The following RFTN1 variants were observed in gnomAD, a reference collection of about 807,000 sequenced individuals.
RFTN1 encodes the protein raftlin.
In RFTN1, 26 loss-of-function variants were observed where a neutral mutation model predicts 46.5. That is an observed-to-expected ratio of 0.56 (90% CI 0.41 to 0.78). RFTN1 has a LOEUF of 0.78. Among genes scored for constraint, RFTN1 ranks in the 30% least tolerant of loss-of-function variants. The pLI is 0.00. For missense variants in RFTN1, 693 were observed against 718.7 expected, an observed-to-expected ratio of 0.96 and a Z score of 0.41; for synonymous variants, 261 against 284.2, an observed-to-expected ratio of 0.92 and a Z score of 0.82.
chr3:16,409,303 G>T, intron 4 of RFTN1, 72 bp downstream of exon 4: 1 of 1,040,538 alleles, frequency 9.6e-7, no homozygotes, highest in Non-Finnish European at 1.5e-6. Context: ...CTGTCCTAAG[G>T]CAGCTACCTG....
chr3:16,446,293 A>T lies in RFTN1; in HGVS notation c.146-12256T>A, dbSNP rs1242279047. On this transcript the variant is annotated intron_variant, in intron 2 of 9. Transcript: ENST00000334133. This position sits in a 1 kb window ranked among gnomAD's most constrained non-coding sequence, Gnocchi z 4.5. Reference sequence around the variant, plus strand: ...GCTCAGAGGAAACCTAGAAACCTTTAAAAAAAAAAAAACTGTGGTAAAATA... The same window carrying T: ...GCTCAGAGGAAACCTAGAAACCTTTTAAAAAAAAAAAACTGTGGTAAAATA... Among the ~76,000 whole-genome samples, 6 of 113,752 alleles carry T rather than the reference A, an allele frequency of 5.3e-5. No individual in the cohort carries two copies. The highest frequency in any genetic ancestry group is 8.7e-5 in the Non-Finnish European group (5 of 57,516). 74.6% of individuals were successfully genotyped at this position (113,752 alleles called of 152,430 possible).
chr3:16,331,336 T>G (rs2070291100), intron 7 of RFTN1, among the ~76,000 whole-genome samples: 2 of 152,254 alleles, frequency 1.3e-5, no homozygotes, highest in East Asian at 1.9e-4. Context: ...AAATAAAGGT[T>G]TAGTGCTCCC....
intron 2 of RFTN1, among the ~76,000 whole-genome samples, chr3:16,454,290 A>T (rs1301307466): frequency 6.6e-6 from 1 of 152,342 alleles, no homozygotes; most frequent in Admixed American, 6.5e-5. Context: ...CAGTCCATCT[A>T]TGGAGTGAGA....
intron 6 of RFTN1, among the ~76,000 whole-genome samples, chr3:16,366,931 G>A (rs1262920599): frequency 6.6e-6 from 1 of 152,320 alleles, no homozygotes; most frequent in South Asian, 2.1e-4. Context: ...CCAGGGAGAG[G>A]AGTCCTGGAC....
chr3:16,395,436 C>T (rs2074444928), intron 4 of RFTN1, among the ~76,000 whole-genome samples: 1 of 150,232 alleles, frequency 6.7e-6, no homozygotes, highest in African/African-American at 2.4e-5. Flanking sequence ...CTCATGAGAC[C>T]AAGGAGCTGA....
Position 16,498,662 on chromosome 3 carries a change from A to G in RFTN1, c.-8-4785T>C, listed in dbSNP as rs570166899. ...GAGACACAGGAAGTAGTTGCTGGCCATCAAAACCTTAGTGTGAATTAGTTC... is the reference window on the plus strand; with the variant it reads ...GAGACACAGGAAGTAGTTGCTGGCCGTCAAAACCTTAGTGTGAATTAGTTC... On this transcript the variant is annotated intron_variant, in intron 1 of 9. Coordinates refer to ENST00000334133, the MANE Select transcript of RFTN1 (RefSeq NM_015150.2). This position sits in a 1 kb window ranked among gnomAD's most constrained non-coding sequence, Gnocchi z 5.2. 6.6e-5 allele frequency among the ~76,000 whole-genome samples: 10 copies of G among 152,316 alleles called. 1 individual carries two copies. The South Asian group carries it at 1.9e-3, about 28-fold the overall frequency.
chr3:16,394,359 C>T (rs950312455), intron 4 of RFTN1, among the ~76,000 whole-genome samples: 1 of 152,118 alleles, frequency 6.6e-6, no homozygotes, highest in Non-Finnish European at 1.5e-5. Flanking sequence ...TTGGGCAACA[C>T]AGTGAGACCC....
rs2073659630 is a variant in RFTN1 at position 16,374,376 on chromosome 3, A to C, written c.826+3342T>G. On this transcript the variant is annotated intron_variant, in intron 5 of 9. Transcript: ENST00000334133. This position sits in a 1 kb window ranked among gnomAD's most constrained non-coding sequence, Gnocchi z 5.4. ...TTAATGGACTGAGTAAAAGGCCAGAAAGATGGCGGCAGGTGGCAGATCTGG... is the reference window on the plus strand; with the variant it reads ...TTAATGGACTGAGTAAAAGGCCAGACAGATGGCGGCAGGTGGCAGATCTGG... 6.6e-6 allele frequency among the ~76,000 whole-genome samples: 1 copy of C among 152,226 alleles called. No individual in the cohort carries two copies. Among genetic ancestry groups the C allele is most frequent in the African/African-American group, 2.4e-5 (1 of 41,454 alleles).
Position 16,384,955 on chromosome 3 carries a change from T to C in RFTN1, c.442-6853A>G, listed in dbSNP as rs565220561. ...ACATAAAATACTGAATAATAGAGTTTTTGACAGTGATTTCTGAGGCATATA... is the reference window on the plus strand; with the variant it reads ...ACATAAAATACTGAATAATAGAGTTCTTGACAGTGATTTCTGAGGCATATA... On this transcript the variant is annotated intron_variant, in intron 4 of 9. Coordinates refer to ENST00000334133, the MANE Select transcript of RFTN1 (RefSeq NM_015150.2). This position sits in a 1 kb window ranked among gnomAD's most constrained non-coding sequence, Gnocchi z 4.7. Among the ~76,000 whole-genome samples, 1 of 152,210 alleles carries C rather than the reference T, an allele frequency of 6.6e-6. No individual in the cohort carries two copies. The highest frequency in any genetic ancestry group is 2.1e-4 in the South Asian group (1 of 4,820).
intron 7 of RFTN1, among the ~76,000 whole-genome samples, chr3:16,328,011 A>T (rs1266402882): frequency 6.6e-6 from 1 of 152,212 alleles, no homozygotes; most frequent in East Asian, 1.9e-4. Flanking sequence ...ACATGTATCC[A>T]GATTCCTTCC....
chr3:16,316,891 T>C lies in RFTN1; in HGVS notation c.1674A>G (p.Gly558=), dbSNP rs375039353. 4.2e-5 allele frequency: 68 copies of C among 1,613,984 alleles called. 1 individual carries two copies. In the Middle Eastern group the frequency reaches 2.0e-3, roughly 47 times the overall value. Reference sequence around the variant, plus strand: ...CAGCATCCCCGTCCCTGGCATCCTCTCCAGGATTGGAGTGCCCAGTGCAAA... The same window carrying C: ...CAGCATCCCCGTCCCTGGCATCCTCCCCAGGATTGGAGTGCCCAGTGCAAA... ...VGICTGHSNP[G]EDARDGDAEE... is the part of the protein sequence containing the mutation. The change falls in exon 10 of 10, where the codon GGA becomes GGG. Residue 558 remains glycine, a synonymous_variant. Transcript: ENST00000334133. This position sits in a 1 kb window ranked among gnomAD's most constrained non-coding sequence, Gnocchi z 4.5.
chr3:16,482,057 T>C (rs1360615442), intron 2 of RFTN1, among the ~76,000 whole-genome samples: 1 of 152,082 alleles, frequency 6.6e-6, no homozygotes, highest in Non-Finnish European at 1.5e-5. Context: ...TGACCAACAC[T>C]CATGTTCTTG....
chr3:16,487,882 C>T (rs929605819), intron 2 of RFTN1, among the ~76,000 whole-genome samples: 4 of 152,216 alleles, frequency 2.6e-5, no homozygotes, highest in African/African-American at 9.7e-5. Context: ...CATCAAAGGG[C>T]AGGTTCATCC....
At chr3:16,494,004 G>A (rs2076585246) in intron 1 of RFTN1, 127 bp from the exon 2 acceptor site, 2 of 1,037,774 alleles carry the variant, frequency 1.9e-6, no homozygotes, top group African/African-American at 1.6e-5. Context: ...TTATGAAACT[G>A]AGAGTATAAT....
intron 1 of RFTN1, among the ~76,000 whole-genome samples, chr3:16,497,780 T>A (rs1161274964): frequency 2.6e-5 from 4 of 152,222 alleles, no homozygotes; most frequent in Non-Finnish European, 5.9e-5. Flanking sequence ...AATATCTCCA[T>A]GGGAAGGACA....
In RFTN1 at chr3:16,374,100, T is replaced by C. The variant is rs1231311949; in HGVS notation, c.826+3618A>G. Among the ~76,000 whole-genome samples the C allele has an allele frequency of 6.6e-6, 1 of 152,156 alleles. No homozygotes were observed. The highest frequency in any genetic ancestry group is 6.5e-5 in the Admixed American group (1 of 15,280). ...ACAGCAGCCACAGGCATGTGTCCCATATTTACAAGGGCCTTTCACCTTCAC... is the reference window on the plus strand; with the variant it reads ...ACAGCAGCCACAGGCATGTGTCCCACATTTACAAGGGCCTTTCACCTTCAC... On this transcript the variant is annotated intron_variant, in intron 5 of 9. Transcript: ENST00000334133. This position sits in a 1 kb window ranked among gnomAD's most constrained non-coding sequence, Gnocchi z 5.4.
rs541089209 is a variant in RFTN1, at chr3:16,414,272, T to C, written c.333-4789A>G. On this transcript the variant is annotated intron_variant, in intron 3 of 9. Transcript: ENST00000334133. Reference sequence around the variant, plus strand: ...AGACATGCATGAGCACCTAACAGAGTATGCCCAATGGTGGGAAGTCTTGAA... The same window carrying C: ...AGACATGCATGAGCACCTAACAGAGCATGCCCAATGGTGGGAAGTCTTGAA... Among the ~76,000 whole-genome samples the C allele has an allele frequency of 6.3e-5, 9 of 142,374 alleles. No individual in the cohort carries two copies. In the South Asian group the frequency reaches 2.0e-3, roughly 32 times the overall value. The allele number at this position is 142,374 out of a possible 152,430, so 93.4% of individuals were successfully genotyped here. A position where few individuals can be genotyped will look rare whatever the true frequency, so the allele number is the denominator to read the frequency against.
chr3:16,468,457 C>T lies in RFTN1; in HGVS notation c.145+25268G>A, dbSNP rs79220055. Among the ~76,000 whole-genome samples, 728 of 152,188 alleles carry T rather than the reference C, an allele frequency of 4.8e-3. 5 individuals carry two copies. Among genetic ancestry groups the T allele is most frequent in the African/African-American group, 0.015 (637 of 41,510 alleles). On this transcript the variant is annotated intron_variant, in intron 2 of 9. Transcript: ENST00000334133. This position sits in a 1 kb window ranked among gnomAD's most constrained non-coding sequence, Gnocchi z 4.4. ...AACAACACTGACAGAGTGAAGGGCACGTTTCTCCCTTTGGTGGGATTTTCT... is the reference window on the plus strand; with the variant it reads ...AACAACACTGACAGAGTGAAGGGCATGTTTCTCCCTTTGGTGGGATTTTCT...
At chr3:16,323,352 A>G in intron 9 of RFTN1, 24 bp downstream of exon 9, 1 of 1,549,058 alleles carries the variant, frequency 6.5e-7, no homozygotes, top group Non-Finnish European at 8.9e-7. Context: ...AGGAAAACCT[A>G]GGAAGGCCAT....
Sources: allele counts gnomAD v4.1 joint callset (sites outside exome capture counted in the v4.1 genomes callset), GRCh38; gene constraint gnomAD v4.1.1; non-coding constraint Gnocchi (gnomAD v3.1); transcripts MANE v1.5; gene names NCBI Gene and HGNC (gene_info 2026-07-23, HGNC 2026-07-21).